The following CDH11 variants were observed in gnomAD, a reference collection of about 807,000 sequenced individuals.
The protein encoded by CDH11 is cadherin-11.
Under a neutral mutation model 67.8 loss-of-function variants are expected in CDH11, and 11 were observed. That is an observed-to-expected ratio of 0.16 (90% CI 0.10 to 0.27). The LOEUF is 0.27. CDH11 is among the 10% of genes least tolerant of loss of function. The pLI is 1.00. For missense variants in CDH11, 847 were observed against 1,031.2 expected (o/e 0.82, Z 2.45); for synonymous variants, 419 against 400.0 (o/e 1.05, Z -0.57).
rs553669572 is a variant in CDH11 at position 65,026,666 on chromosome 16, C to G, written c.-172-21625G>C. Among the ~76,000 whole-genome samples, 10 of 152,240 alleles carry G rather than the reference C, an allele frequency of 6.6e-5. No homozygotes were observed. In the East Asian group the frequency reaches 1.9e-3, roughly 29 times the overall value. ...TCCCTAAGGGTCTTCCAATTTCCACCTCAAACACCAGGGGTTCCTTTCATA... is the reference window on the plus strand; with the variant it reads ...TCCCTAAGGGTCTTCCAATTTCCACGTCAAACACCAGGGGTTCCTTTCATA... On this transcript the variant is annotated intron_variant, in intron 2 of 12. Coordinates refer to ENST00000268603, the MANE Select transcript of CDH11 (RefSeq NM_001797.4).
At chr16:65,116,537 G>C (rs2075248100) in intron 1 of CDH11, among the ~76,000 whole-genome samples, 1 of 152,154 alleles carries the variant, frequency 6.6e-6, no homozygotes, top group Non-Finnish European at 1.5e-5. Flanking sequence ...GGCAAATAAG[G>C]GGTGTGGAGT....
chr16:65,080,963 C>A (rs2074599761), intron 1 of CDH11, among the ~76,000 whole-genome samples: 1 of 152,172 alleles, frequency 6.6e-6, no homozygotes, highest in Non-Finnish European at 1.5e-5. Flanking sequence ...ATATCATCAT[C>A]ATTCAATAAA....
intron 8 of CDH11, among the ~76,000 whole-genome samples, chr16:64,973,875 A>G (rs766764334): frequency 2.6e-5 from 4 of 152,106 alleles, no homozygotes; most frequent in Non-Finnish European, 4.4e-5. Flanking sequence ...ATTTAGTTTC[A>G]GGGGTTCTCA....
Position 64,970,633 on chromosome 16 carries a change from G to A in CDH11, c.1642+946C>T, listed in dbSNP as rs34680371. On this transcript the variant is annotated intron_variant, in intron 11 of 12. Coordinates refer to ENST00000268603, the MANE Select transcript of CDH11 (RefSeq NM_001797.4). Reference sequence around the variant, plus strand: ...TGATGATAGTGATAACAGTAATGGGGAAAGTGATAATACTTACTAGAAAGT... The same window carrying A: ...TGATGATAGTGATAACAGTAATGGGAAAAGTGATAATACTTACTAGAAAGT... Among the ~76,000 whole-genome samples, 1,486 of 152,296 alleles carry A rather than the reference G, an allele frequency of 9.8e-3. 33 individuals are homozygous for A. The highest frequency in any genetic ancestry group is 0.034 in the African/African-American group (1,419 of 41,542).
At chr16:65,062,602 G>GA (rs1325752869) in intron 1 of CDH11, among the ~76,000 whole-genome samples, 2 of 152,052 alleles carry the variant, frequency 1.3e-5, no homozygotes, top group African/African-American at 2.4e-5. Flanking sequence ...ATTAGGTTAA[G>GA]AAAAAAATGC....
chr16:64,996,080 C>A (rs762171631), intron 4 of CDH11, among the ~76,000 whole-genome samples: 15 of 151,990 alleles, frequency 9.9e-5, no homozygotes, highest in South Asian at 2.1e-4. Context: ...ATTAAAAAGT[C>A]AAAAAATAAC....
chr16:65,080,477 A>C (rs557829092), intron 1 of CDH11, among the ~76,000 whole-genome samples: 71 of 152,328 alleles, frequency 4.7e-4, no homozygotes, highest in African/African-American at 1.4e-3. Flanking sequence ...AATGCTCATT[A>C]TAATCCCCCA....
intron 4 of CDH11, among the ~76,000 whole-genome samples, chr16:64,995,889 C>A (rs1279648424): frequency 6.6e-6 from 1 of 152,012 alleles, no homozygotes; most frequent in Non-Finnish European, 1.5e-5. Context: ...GGAATTTAAA[C>A]AATTCAACAA....
chr16:64,962,523 A>G (rs2071699982), intron 11 of CDH11, among the ~76,000 whole-genome samples: 1 of 152,060 alleles, frequency 6.6e-6, no homozygotes, highest in Non-Finnish European at 1.5e-5. Flanking sequence ...CCCAGTGTGG[A>G]GAAGTTAAAA....
chr16:65,076,383 C>T (rs2074509769), intron 1 of CDH11, among the ~76,000 whole-genome samples: 2 of 152,132 alleles, frequency 1.3e-5, no homozygotes, highest in Non-Finnish European at 2.9e-5. Flanking sequence ...AAACCTCCCT[C>T]CCTCAGGCTC....
At chr16:65,065,228 C>T (rs879336653) in intron 1 of CDH11, among the ~76,000 whole-genome samples, 5 of 152,136 alleles carry the variant, frequency 3.3e-5, no homozygotes, top group Non-Finnish European at 7.4e-5. Flanking sequence ...AAGACTCACC[C>T]GGCCCACTCT....
chr16:64,959,623 T>C (rs1017320691), intron 11 of CDH11, among the ~76,000 whole-genome samples: 6 of 152,158 alleles, frequency 3.9e-5, no homozygotes, highest in Non-Finnish European at 5.9e-5. Flanking sequence ...GCAATGAATT[T>C]TAGGCAGAAA....
intron 12 of CDH11, 133 bp downstream of exon 12, chr16:64,950,633 CA>C: frequency 3.6e-6 from 4 of 1,101,656 alleles, no homozygotes; most frequent in Admixed American, 2.8e-5. Context: ...CCCCGTACCC[CA>C]CTTCTTTTCT....
chr16:65,081,306 C>T (rs78666298), intron 1 of CDH11, among the ~76,000 whole-genome samples: 11,139 of 152,206 alleles, frequency 0.073, 699 homozygotes, highest in East Asian at 0.21. Context: ...CTGGGGCTCA[C>T]GCCTGTAATC....
chr16:64,992,106 T>A (rs2072642532), intron 5 of CDH11, among the ~76,000 whole-genome samples, 171 bp from the exon 6 acceptor site: 1 of 152,220 alleles, frequency 6.6e-6, no homozygotes. Context: ...CATCATTATG[T>A]CTTTTCAAGC....
At chr16:64,949,771 T>C (rs2071306664) in intron 12 of CDH11, among the ~76,000 whole-genome samples, 2 of 152,140 alleles carry the variant, frequency 1.3e-5, no homozygotes, top group African/African-American at 4.8e-5. Context: ...CTTGTGTTCA[T>C]GTCCCTATTA....
At position 64,945,721 on chromosome 16, in the gene CDH11, A is replaced by G. The variant is rs2071184349; in HGVS notation, c.*1882T>C. 1 of 1,042,320 alleles carries G rather than the reference A, an allele frequency of 9.6e-7. No homozygotes were observed. Among genetic ancestry groups the G allele is most frequent in the African/African-American group, 1.7e-5 (1 of 59,932 alleles). 64.6% of individuals were successfully genotyped at this position (1,042,320 alleles called of 1,614,324 possible). On this transcript the variant is annotated 3_prime_UTR_variant, in exon 13 of 13. Transcript: ENST00000268603. Reference sequence around the variant, plus strand: ...GTTCAGCCCAATTTGATTTCAATGCAAAGTAAAATGGAAGTGAGCACTTCA... The same window carrying G: ...GTTCAGCCCAATTTGATTTCAATGCGAAGTAAAATGGAAGTGAGCACTTCA...
chr16:64,966,222 G>A lies in CDH11; in HGVS notation c.1642+5357C>T, dbSNP rs1252783589. ...AAGAAAACTACAATGACTTCCTGAG[G>A]GTAATAAAAGGAGAATTGATTCAAT... is the stretch of plus-strand genomic sequence containing the variant. On this transcript the variant is annotated intron_variant, in intron 11 of 12. Transcript: ENST00000268603. Among the ~76,000 whole-genome samples, 4 of 152,048 alleles carry A rather than the reference G, an allele frequency of 2.6e-5. No individual in the cohort carries two copies. In the South Asian group the frequency reaches 8.3e-4, roughly 32 times the overall value.
chr16:65,082,321 C>T (rs2074624207), intron 1 of CDH11, among the ~76,000 whole-genome samples: 1 of 152,180 alleles, frequency 6.6e-6, no homozygotes, highest in South Asian at 2.1e-4. Flanking sequence ...ACTGTGCTCA[C>T]CATTGGACTG....
Sources: allele counts gnomAD v4.1 joint callset (sites outside exome capture counted in the v4.1 genomes callset), GRCh38; gene constraint gnomAD v4.1.1; transcripts MANE v1.5; gene names NCBI Gene and HGNC (gene_info 2026-07-23, HGNC 2026-07-21).